NDUFA9: variants seen among roughly 807,000 people sequenced by gnomAD.
NDUFA9 encodes the protein NADH dehydrogenase [ubiquinone] 1 alpha subcomplex subunit 9, mitochondrial.
In NDUFA9, 23 loss-of-function variants were observed where a neutral mutation model predicts 45.9. That is an observed-to-expected ratio of 0.50 (90% CI 0.36 to 0.71). The LOEUF (loss-of-function observed/expected upper bound fraction) is 0.71, where lower values mean the gene tolerates loss of function less well. Ranked by LOEUF, NDUFA9 falls within the 30% of genes least tolerant of loss-of-function variation. The pLI is 0.00. For missense variants in NDUFA9, 466 were observed against 488.2 expected (o/e 0.95, Z 0.43); for synonymous variants, 176 against 170.5 (o/e 1.03, Z -0.25).
chr12:4,687,024 T>A lies in NDUFA9; in HGVS notation c.1050T>A (p.Ile350=), dbSNP rs1267783713. The A allele has an allele frequency of 6.2e-7, 1 of 1,614,064 alleles. No individual in the cohort carries two copies. Among genetic ancestry groups the A allele is most frequent in the African/African-American group, 1.3e-5 (1 of 74,918 alleles). ...IQATPLELKA[I]EVLRRHRTYR... is the part of the protein sequence containing the mutation. ...CAACACCACTGGAACTCAAGGCCAT[T>A]GAGGTGCTGCGGCGTCATCGCACTT... The change falls in exon 11 of 11, where the codon ATT becomes ATA. Residue 350 remains isoleucine (I), a synonymous_variant. Coordinates refer to ENST00000266544, the MANE Select transcript of NDUFA9 (RefSeq NM_005002.5).
At chr12:4,657,228 C>T (rs1386694976) in intron 3 of NDUFA9, 1 of 152,390 alleles carries the variant, frequency 6.6e-6, no homozygotes, top group African/African-American at 2.4e-5. Flanking sequence ...ATTACTAGAT[C>T]TGGGGTTATA....
chr12:4,672,118 T>C (rs2137477561), intron 8 of NDUFA9, among the ~76,000 whole-genome samples: 1 of 152,224 alleles, frequency 6.6e-6, no homozygotes, highest in Middle Eastern at 3.4e-3. Flanking sequence ...GGGGTGTCGC[T>C]TCACCCGGGA....
chr12:4,653,169 T>C (rs559651883), intron 1 of NDUFA9, among the ~76,000 whole-genome samples: 3 of 152,262 alleles, frequency 2.0e-5, no homozygotes, highest in Admixed American at 6.5e-5. Flanking sequence ...AACTGGAATG[T>C]ATCCAAAAGA....
chr12:4,649,272 T>A, intron 1 of NDUFA9, 97 bp downstream of exon 1: 1 of 1,380,710 alleles, frequency 7.2e-7, no homozygotes, highest in Non-Finnish European at 1.0e-6. Flanking sequence ...CACGCCAACT[T>A]CCTAGGCACA....
chr12:4,654,532 C>G, intron 2 of NDUFA9, 70 bp downstream of exon 2: 2 of 1,485,376 alleles, frequency 1.3e-6, no homozygotes, highest in Non-Finnish European at 1.9e-6. Context: ...GAAGCATGAG[C>G]TATGTTTCTC....
intron 1 of NDUFA9, among the ~76,000 whole-genome samples, chr12:4,649,639 ACCAGGGAGT>A (rs1332204243): frequency 1.3e-5 from 2 of 152,178 alleles, no homozygotes; most frequent in Non-Finnish European, 2.9e-5. Context: ...ATATTACAAT[ACCAGGGAGT>A]CTCTGATAAG....
chr12:4,656,851 C>T (rs527483535), intron 3 of NDUFA9, among the ~76,000 whole-genome samples: 179 of 152,330 alleles, frequency 1.2e-3, no homozygotes, highest in African/African-American at 4.1e-3. Flanking sequence ...TGTTTGACTC[C>T]AAAGCCACTG....
chr12:4,666,811 T>C (rs1646912950), intron 6 of NDUFA9, among the ~76,000 whole-genome samples: 1 of 152,198 alleles, frequency 6.6e-6, no homozygotes, highest in African/African-American at 2.4e-5. Context: ...GTGTGAGACT[T>C]CCAAAAATTT....
chr12:4,654,159 C>A, intron 1 of NDUFA9, 133 bp from the exon 2 acceptor site: 1 of 796,160 alleles, frequency 1.3e-6, no homozygotes, highest in Non-Finnish European at 1.9e-6. Flanking sequence ...TATTATTGCC[C>A]TTGATACTTA....
intron 9 of NDUFA9, among the ~76,000 whole-genome samples, chr12:4,684,692 A>G (rs1194568801): frequency 1.3e-5 from 2 of 152,126 alleles, no homozygotes; most frequent in African/African-American, 4.8e-5. Flanking sequence ...GAGCCCTTCA[A>G]TTTTCATTAG....
At chr12:4,669,294 A>G (rs1429214572) in intron 7 of NDUFA9, among the ~76,000 whole-genome samples, 1 of 152,200 alleles carries the variant, frequency 6.6e-6, no homozygotes, top group African/African-American at 2.4e-5. Flanking sequence ...TGTTTTTGAA[A>G]ATCAAAATGG....
At chr12:4,675,191 C>T (rs1295139470) in intron 8 of NDUFA9, among the ~76,000 whole-genome samples, 1 of 152,166 alleles carries the variant, frequency 6.6e-6, no homozygotes, top group African/African-American at 2.4e-5. Flanking sequence ...ATTTATAGCA[C>T]TAAATGCCCA....
chr12:4,657,700 C>G (rs1258821648), intron 3 of NDUFA9, 48 bp from the exon 4 acceptor site: 1 of 1,385,132 alleles, frequency 7.2e-7, no homozygotes, highest in Middle Eastern at 1.8e-4. Context: ...GTGTTGAGTG[C>G]TGAGGTATAC....
chr12:4,669,159 T>C (rs542876262), intron 7 of NDUFA9, among the ~76,000 whole-genome samples: 2 of 152,340 alleles, frequency 1.3e-5, no homozygotes, highest in African/African-American at 4.8e-5. Context: ...TAAAGGGTGT[T>C]GGGCAGCATT....
chr12:4,668,845 A>G (rs1945868772), intron 7 of NDUFA9: 1 of 323,712 alleles, frequency 3.1e-6, no homozygotes, highest in Non-Finnish European at 5.8e-6. Context: ...TAAATAAAGC[A>G]GTTATTGTAC....
intron 3 of NDUFA9, 155 bp downstream of exon 3, chr12:4,655,077 T>C: frequency 1.7e-6 from 1 of 594,468 alleles, no homozygotes; most frequent in Non-Finnish European, 2.9e-6. Context: ...GGTTCCGGCA[T>C]CTCCTTTGTC....
chr12:4,694,225 CA>C lies in NDUFA9; in HGVS notation c.*7118del, dbSNP rs757798417. The C allele has an allele frequency of 2.6e-5, 4 of 152,246 alleles. No individual in the cohort carries two copies. The highest frequency in any genetic ancestry group is 5.9e-5 in the Non-Finnish European group (4 of 68,042). The allele number at this position is 152,246 out of a possible 1,614,324, so 9.4% of individuals were successfully genotyped here. A position where few individuals can be genotyped will look rare whatever the true frequency, so the allele number is the denominator to read the frequency against. On this transcript the variant is annotated 3_prime_UTR_variant, in exon 11 of 11. Coordinates refer to ENST00000266544, the MANE Select transcript of NDUFA9 (RefSeq NM_005002.5). ...TTCCCCAGTTTTGCTTCTATTAGCACATTTATTTCAGTAATTTTGATCTTTG... is the reference window on the plus strand; with the variant it reads ...TTCCCCAGTTTTGCTTCTATTAGCACTTTATTTCAGTAATTTTGATCTTTG...
At position 4,661,145 on chromosome 12, in the gene NDUFA9, A is replaced by G. The variant is rs560710326; in HGVS notation, c.553-1388A>G. 1.0e-3 allele frequency among the ~76,000 whole-genome samples: 157 copies of G among 152,308 alleles called. 1 individual carries two copies. The highest frequency in any genetic ancestry group is 3.5e-3 in the African/African-American group (144 of 41,568). ...AAAGGACATGAGCTCTAAAGCATTG[A>G]AAGTGGCACTGTTCCTCCCATCAGG... On this transcript the variant is annotated intron_variant, in intron 5 of 10. Transcript: ENST00000266544.
intron 8 of NDUFA9, among the ~76,000 whole-genome samples, chr12:4,674,835 A>C (rs998475055): frequency 6.6e-6 from 1 of 152,238 alleles, no homozygotes; most frequent in African/African-American, 2.4e-5. Flanking sequence ...AGACGTCTAC[A>C]GAACTCTCCA....
Sources: allele counts gnomAD v4.1 joint callset (sites outside exome capture counted in the v4.1 genomes callset), GRCh38; gene constraint gnomAD v4.1.1; transcripts MANE v1.5; gene names NCBI Gene and HGNC (gene_info 2026-07-23, HGNC 2026-07-21).